CNTN4: variants seen among roughly 807,000 people sequenced by gnomAD.
CNTN4 encodes the protein contactin 4.
CNTN4 carries 77 observed loss-of-function variants against 122.5 expected under a neutral mutation model. The observed-to-expected ratio is 0.63, with a 90% CI of 0.52 to 0.76. The LOEUF is 0.76. Among genes scored for constraint, CNTN4 ranks in the 30% least tolerant of loss-of-function variants. The pLI is 0.00. For synonymous variants in CNTN4, 512 were observed against 447.0 expected, an observed-to-expected ratio of 1.15 and a Z score of -1.83; for missense variants, 1,256 against 1,259.1, an observed-to-expected ratio of 1.00 and a Z score of 0.04.
chr3:2,244,475 A>C (rs1433650151), intron 2 of CNTN4, among the ~76,000 whole-genome samples: 1 of 152,118 alleles, frequency 6.6e-6, no homozygotes, highest in African/African-American at 2.4e-5. Context: ...GTGAAAAATG[A>C]ACATTAGGTT....
At chr3:2,284,772 G>T (rs1204996661) in intron 2 of CNTN4, among the ~76,000 whole-genome samples, 1 of 151,530 alleles carries the variant, frequency 6.6e-6, no homozygotes, top group Non-Finnish European at 1.5e-5. Context: ...AACTTATGAG[G>T]TGAGTAGACT....
intron 2 of CNTN4, among the ~76,000 whole-genome samples, chr3:2,189,234 G>T (rs1297839665): frequency 6.6e-6 from 1 of 152,168 alleles, no homozygotes; most frequent in Non-Finnish European, 1.5e-5. Flanking sequence ...CCAGGCAGGG[G>T]TCTGTGATGT....
chr3:2,662,347 C>T (rs1042186061), intron 4 of CNTN4, among the ~76,000 whole-genome samples: 1 of 152,194 alleles, frequency 6.6e-6, no homozygotes, highest in Non-Finnish European at 1.5e-5. Flanking sequence ...GCAGCAACAA[C>T]TATGGTTCAT....
At chr3:2,705,758 A>C (rs1306741758) in intron 4 of CNTN4, among the ~76,000 whole-genome samples, 78 of 103,286 alleles carry the variant, frequency 7.6e-4, no homozygotes, top group Admixed American at 1.2e-3. Context: ...TATATAATAT[A>C]TAATATATAT....
chr3:2,705,887 AATATATAAAATATATATT>A (rs1324306732), intron 4 of CNTN4, among the ~76,000 whole-genome samples: 3 of 64,484 alleles, frequency 4.7e-5, no homozygotes, highest in East Asian at 6.7e-4. Flanking sequence ...TTTTTTATAT[AATATATAAAATATATATT>A]ATATATAAAA....
At chr3:2,313,382 A>G (rs948943185) in intron 2 of CNTN4, among the ~76,000 whole-genome samples, 8 of 152,060 alleles carry the variant, frequency 5.3e-5, no homozygotes, top group African/African-American at 1.9e-4. Flanking sequence ...AACCTAGGAA[A>G]AGAAACCCTG....
At chr3:2,497,399 A>T (rs887713898) in intron 3 of CNTN4, among the ~76,000 whole-genome samples, 41 of 152,280 alleles carry the variant, frequency 2.7e-4, no homozygotes, top group African/African-American at 9.1e-4. Flanking sequence ...GACTTAGCTC[A>T]TTATGTAGTT....
At chr3:2,289,977 T>A (rs1309985749) in intron 2 of CNTN4, among the ~76,000 whole-genome samples, 1 of 149,116 alleles carries the variant, frequency 6.7e-6, no homozygotes, top group African/African-American at 2.4e-5. Context: ...TATTAGTATT[T>A]AGTATTTTTT....
chr3:2,669,138 A>G (rs928083813), intron 4 of CNTN4, among the ~76,000 whole-genome samples: 4 of 151,962 alleles, frequency 2.6e-5, no homozygotes, highest in African/African-American at 7.3e-5. Flanking sequence ...CTCTTTTTCT[A>G]TTGATTGGAA....
At chr3:2,651,804 G>A (rs1254674226) in intron 4 of CNTN4, among the ~76,000 whole-genome samples, 1 of 151,370 alleles carries the variant, frequency 6.6e-6, no homozygotes, top group Non-Finnish European at 1.5e-5. Flanking sequence ...CCTGGTTCAA[G>A]CAATTTTCCC....
chr3:2,551,033 A>C (rs765627481), intron 3 of CNTN4, among the ~76,000 whole-genome samples: 1 of 152,072 alleles, frequency 6.6e-6, no homozygotes, highest in Non-Finnish European at 1.5e-5. Context: ...GCAAACCATC[A>C]TGGCACGTGT....
intron 3 of CNTN4, among the ~76,000 whole-genome samples, chr3:2,524,726 T>C (rs1422732478): frequency 6.6e-6 from 1 of 152,140 alleles, no homozygotes; most frequent in East Asian, 1.9e-4. Flanking sequence ...ACACTGTCCA[T>C]GAATTAAGGA....
At chr3:2,997,432 G>C (rs1239905372) in intron 14 of CNTN4, among the ~76,000 whole-genome samples, 1 of 152,212 alleles carries the variant, frequency 6.6e-6, no homozygotes, top group Non-Finnish European at 1.5e-5. Context: ...TATAAAGCTT[G>C]AATCAGAAAG....
At chr3:2,458,106 CTG>C (rs1314146185) in intron 3 of CNTN4, among the ~76,000 whole-genome samples, 6 of 152,110 alleles carry the variant, frequency 3.9e-5, no homozygotes, top group Non-Finnish European at 2.9e-5. Context: ...ACTATGGAGA[CTG>C]TATACAAGTC....
intron 3 of CNTN4, among the ~76,000 whole-genome samples, chr3:2,420,946 T>C (rs1388196020): frequency 6.6e-6 from 1 of 152,172 alleles, no homozygotes; most frequent in Non-Finnish European, 1.5e-5. Context: ...CCTAATAAAG[T>C]AAACGTTCAG....
chr3:2,911,027 A>G (rs148726898), intron 12 of CNTN4, among the ~76,000 whole-genome samples: 58 of 152,380 alleles, frequency 3.8e-4, no homozygotes, highest in African/African-American at 1.2e-3. Flanking sequence ...AGCTATCAGT[A>G]GAAAACTTCC....
intron 3 of CNTN4, among the ~76,000 whole-genome samples, chr3:2,404,018 G>A (rs2046945868): frequency 6.6e-6 from 1 of 152,108 alleles, no homozygotes; most frequent in African/African-American, 2.4e-5. Flanking sequence ...TCAGACATTT[G>A]TGATTTCTAT....
At chr3:2,502,775 A>T (rs912293864) in intron 3 of CNTN4, among the ~76,000 whole-genome samples, 2 of 152,162 alleles carry the variant, frequency 1.3e-5, no homozygotes, top group Admixed American at 6.5e-5. Context: ...TGAGGACACG[A>T]CTAATAAATT....
At chr3:2,736,011 A>T (rs1275178108) in intron 4 of CNTN4, 2 of 700,128 alleles carry the variant, frequency 2.9e-6, no homozygotes, top group Non-Finnish European at 5.3e-6. Flanking sequence ...GTGAAATAAG[A>T]GGGCTTATAT....
Sources: gnomAD v4.1 joint callset for allele counts (sites outside exome capture counted in the v4.1 genomes callset) on GRCh38, gnomAD v4.1.1 for gene constraint, MANE v1.5 for transcripts, NCBI Gene and HGNC (gene_info 2026-07-23, HGNC 2026-07-21) for gene names.